The following GNAQ variants were observed in gnomAD, a reference collection of about 807,000 sequenced individuals.
GNAQ encodes G protein subunit alpha q, also known as guanine nucleotide-binding protein G(q) subunit alpha.
A neutral mutation model predicts 43.9 loss-of-function variants in GNAQ; 8 were observed. The observed-to-expected ratio is 0.18, with a 90% CI of 0.11 to 0.33. The LOEUF is 0.33. GNAQ is among the 10% of genes least tolerant of loss of function. The pLI is 1.00. For synonymous variants in GNAQ, 155 were observed against 170.7 expected (o/e 0.91, Z 0.71); for missense variants, 158 against 450.8 (o/e 0.35, Z 5.88).
chr9:77,964,997 C>A (rs928058476), intron 1 of GNAQ, among the ~76,000 whole-genome samples: 1 of 152,112 alleles, frequency 6.6e-6, no homozygotes, highest in East Asian at 1.9e-4. Flanking sequence ...TCTATTAGAC[C>A]TAATGTGACT....
At chr9:77,852,810 T>C (rs999283081) in intron 2 of GNAQ, among the ~76,000 whole-genome samples, 28 of 152,226 alleles carry the variant, frequency 1.8e-4, no homozygotes, top group East Asian at 1.9e-4. Context: ...TTTATAATTA[T>C]ACTGTCTGTA....
intron 1 of GNAQ, among the ~76,000 whole-genome samples, chr9:77,923,882 TA>T (rs1829032361): frequency 6.6e-6 from 1 of 152,162 alleles, no homozygotes; most frequent in Non-Finnish European, 1.5e-5. Flanking sequence ...CCATCTGTCC[TA>T]AATTCATTTT....
At chr9:77,734,609 G>A (rs114917770) in intron 5 of GNAQ, among the ~76,000 whole-genome samples, 1,877 of 152,296 alleles carry the variant, frequency 0.012, 40 homozygotes, top group African/African-American at 0.042. Context: ...CCAGGGTGCA[G>A]ATGCTCTTGA....
At chr9:77,827,298 T>C (rs2118541456) in intron 2 of GNAQ, among the ~76,000 whole-genome samples, 1 of 150,426 alleles carries the variant, frequency 6.6e-6, no homozygotes, top group South Asian at 2.1e-4. Context: ...TCTGCTTGAA[T>C]TCTGATGAGC....
At chr9:77,784,318 G>T (rs1826441361) in intron 5 of GNAQ, among the ~76,000 whole-genome samples, 1 of 151,972 alleles carries the variant, frequency 6.6e-6, no homozygotes, top group Non-Finnish European at 1.5e-5. Context: ...AGATAAATGT[G>T]TACCTTAAAA....
intron 1 of GNAQ, among the ~76,000 whole-genome samples, chr9:77,925,424 T>C (rs900253317): frequency 6.6e-6 from 1 of 152,184 alleles, no homozygotes; most frequent in African/African-American, 2.4e-5. Flanking sequence ...TTATCCTAAA[T>C]CCATGATAAT....
chr9:77,896,254 T>C (rs529213242), intron 2 of GNAQ, among the ~76,000 whole-genome samples: 1 of 152,326 alleles, frequency 6.6e-6, no homozygotes, highest in South Asian at 2.1e-4. Context: ...TAAACTTCAG[T>C]AGCTATTTCC....
intron 2 of GNAQ, among the ~76,000 whole-genome samples, chr9:77,907,431 ACT>A: frequency 6.6e-6 from 1 of 152,228 alleles, no homozygotes; most frequent in Middle Eastern, 3.4e-3. Context: ...TCCTATAGAA[ACT>A]CTGCCTTGAC....
chr9:77,833,216 C>G (rs1433488259), intron 2 of GNAQ, among the ~76,000 whole-genome samples: 1 of 152,202 alleles, frequency 6.6e-6, no homozygotes, highest in Admixed American at 6.5e-5. Context: ...GATCCACCTG[C>G]CTCAGCCTCC....
At chr9:77,837,462 G>A (rs1827408960) in intron 2 of GNAQ, among the ~76,000 whole-genome samples, 2 of 152,120 alleles carry the variant, frequency 1.3e-5, no homozygotes, top group Non-Finnish European at 2.9e-5. Flanking sequence ...GCTGAAGCAG[G>A]AGAATCGCCC....
At chr9:77,967,860 A>T (rs1459495710) in intron 1 of GNAQ, among the ~76,000 whole-genome samples, 1 of 152,158 alleles carries the variant, frequency 6.6e-6, no homozygotes, top group African/African-American at 2.4e-5. Flanking sequence ...ATGCCTTGTA[A>T]TCCCTGCTAC....
chr9:77,796,694 T>C (rs1475654428), intron 4 of GNAQ, among the ~76,000 whole-genome samples: 2 of 152,166 alleles, frequency 1.3e-5, no homozygotes, highest in African/African-American at 4.8e-5. Context: ...TATTTCAAAA[T>C]TTTTCAAGCA....
At chr9:77,876,592 AT>A (rs923235009) in intron 2 of GNAQ, among the ~76,000 whole-genome samples, 5 of 152,194 alleles carry the variant, frequency 3.3e-5, no homozygotes, top group African/African-American at 9.7e-5. Context: ...CCTTAAACCC[AT>A]TGTTTCCAGC....
chr9:77,940,942 C>G (rs1183585546), intron 1 of GNAQ, among the ~76,000 whole-genome samples: 2 of 149,814 alleles, frequency 1.3e-5, no homozygotes, highest in African/African-American at 2.5e-5. Context: ...CCAGCCTGGG[C>G]GACAGAGCGA....
intron 5 of GNAQ, among the ~76,000 whole-genome samples, chr9:77,730,895 A>G (rs1482505245): frequency 6.6e-6 from 1 of 152,110 alleles, no homozygotes; most frequent in East Asian, 1.9e-4. Context: ...GAAATAATTA[A>G]AAAAAAATTT....
rs146458654 is a variant in GNAQ at position 77,899,120 on chromosome 9, A to G, written c.321+23041T>C. On this transcript the variant is annotated intron_variant, in intron 2 of 6. Coordinates refer to ENST00000286548, the MANE Select transcript of GNAQ (RefSeq NM_002072.5). ...TTTTTGTTTTGTTTTGTTTTGAGAC[A>G]AGGTCTTGTTCTGTCGCCCAGGCTG... Among the ~76,000 whole-genome samples, 1,032 of 152,226 alleles carry G rather than the reference A, an allele frequency of 6.8e-3. 15 individuals carry two copies. Among genetic ancestry groups the G allele is most frequent in the African/African-American group, 0.023 (957 of 41,538 alleles).
intron 5 of GNAQ, among the ~76,000 whole-genome samples, chr9:77,747,842 T>C (rs1281624622): frequency 6.6e-6 from 1 of 152,228 alleles, no homozygotes; most frequent in East Asian, 1.9e-4. Flanking sequence ...CTGCGCTAGG[T>C]GCTTCACATG....
At position 77,942,542 on chromosome 9, in the gene GNAQ, A is replaced by G. The variant is rs146683851; in HGVS notation, c.137-20197T>C. Among the ~76,000 whole-genome samples, 3 of 152,322 alleles carry G rather than the reference A, an allele frequency of 2.0e-5. No homozygotes were observed. In the East Asian group the frequency reaches 5.8e-4, roughly 29 times the overall value. On this transcript the variant is annotated intron_variant, in intron 1 of 6. Coordinates refer to ENST00000286548, the MANE Select transcript of GNAQ (RefSeq NM_002072.5). ...TGAAAACCACAGCCTTTACATTAGT[A>G]ACCCTTGTCCTAATCAATGGAAACA...
intron 2 of GNAQ, among the ~76,000 whole-genome samples, chr9:77,909,779 A>G (rs942075798): frequency 1.3e-5 from 2 of 152,180 alleles, no homozygotes; most frequent in African/African-American, 2.4e-5. Flanking sequence ...AGAAACATAA[A>G]ATCAGGAAAA....
Sources: gnomAD v4.1 joint callset for allele counts (sites outside exome capture counted in the v4.1 genomes callset) on GRCh38, gnomAD v4.1.1 for gene constraint, MANE v1.5 for transcripts, NCBI Gene and HGNC (gene_info 2026-07-23, HGNC 2026-07-21) for gene names.